Variants in SORT1 observed in about 807,000 individuals in gnomAD.
SORT1 encodes the protein sortilin.
Under a neutral mutation model 101.7 loss-of-function variants are expected in SORT1, and 39 were observed. That is an observed-to-expected ratio of 0.38 (90% confidence interval 0.30 to 0.50). The LOEUF is 0.50. Among genes scored for constraint, SORT1 ranks in the 20% least tolerant of loss-of-function variants. The pLI, the probability that SORT1 is intolerant of heterozygous loss-of-function variation, is 0.90. For missense variants in SORT1, 878 were observed against 1,040.4 expected (o/e 0.84, Z 2.15); for synonymous variants, 396 against 393.7 (o/e 1.01, Z -0.07).
intron 11 of SORT1, among the ~76,000 whole-genome samples, chr1:109,336,006 T>C (rs1648798306): frequency 1.3e-5 from 2 of 152,226 alleles, no homozygotes; most frequent in African/African-American, 2.4e-5. Context: ...GAACCACAAA[T>C]TGTTAGCCCT....
intron 5 of SORT1, among the ~76,000 whole-genome samples, chr1:109,351,432 A>T (rs1649951729): frequency 6.6e-6 from 1 of 152,232 alleles, no homozygotes; most frequent in South Asian, 2.1e-4. Context: ...AGGTGCACTG[A>T]GTTTTAAATG....
At position 109,354,470 on chromosome 1, in the gene SORT1, T is replaced by C. The variant is rs2101603571; in HGVS notation, c.605A>G (p.Asp202Gly). The C allele has an allele frequency of 6.2e-7, 1 of 1,613,600 alleles. No individual in the cohort carries two copies. The highest frequency in any genetic ancestry group is 8.5e-7 in the Non-Finnish European group (1 of 1,179,560). ...SRGGRIFRSS[D>G]FAKNFVQTDL... is the part of the protein sequence containing the mutation. ...TGTTTGCACAAAATTCTTCGCAAAA[T>C]CTGATGATCTAAAGATTCTTCCTCC... Residue 202 changes from aspartate to glycine, a missense_variant, in exon 5 of 20, where the codon GAT (aspartate) becomes GGT (glycine). Transcript: ENST00000256637.
chr1:109,397,906 C>T lies in SORT1; in HGVS notation c.-14G>A. 2 of 1,146,238 alleles carry T rather than the reference C, an allele frequency of 1.7e-6. No homozygotes were observed. Among genetic ancestry groups the T allele is most frequent in the Non-Finnish European group, 2.1e-6 (2 of 935,212 alleles). The allele number at this position is 1,146,238 out of a possible 1,614,324, so 71.0% of individuals were successfully genotyped here. On this transcript the variant is annotated 5_prime_UTR_variant, in exon 1 of 20. Transcript: ENST00000256637. ...GGGCCGCTCCATCGCCGCCGAATGC[C>T]GCCGACGCCGACACCTGCCGCCCGG... is the stretch of plus-strand genomic sequence containing the variant.
intron 5 of SORT1, among the ~76,000 whole-genome samples, chr1:109,354,085 T>C (rs1163229565): frequency 6.7e-6 from 1 of 148,488 alleles, no homozygotes; most frequent in Admixed American, 7.5e-5. Context: ...CAAGAATGAT[T>C]AAATTAAACT....
chr1:109,360,384 G>A (rs1273181941), intron 3 of SORT1, among the ~76,000 whole-genome samples: 1 of 152,106 alleles, frequency 6.6e-6, no homozygotes. Flanking sequence ...CCAGGCTGGG[G>A]TGCAATGATG....
intron 1 of SORT1, among the ~76,000 whole-genome samples, chr1:109,386,600 C>T (rs1029819650): frequency 1.5e-4 from 23 of 152,282 alleles, no homozygotes; most frequent in African/African-American, 5.3e-4. Flanking sequence ...CACCTATACT[C>T]CTAGCACTTT....
chr1:109,393,076 C>G (rs557586603), intron 1 of SORT1: 1 of 985,218 alleles, frequency 1.0e-6, no homozygotes, highest in Non-Finnish European at 1.2e-6. Context: ...AACAACAGGC[C>G]GAGGTCTTCA....
At chr1:109,355,044 C>T (rs1463196842) in intron 4 of SORT1, among the ~76,000 whole-genome samples, 2 of 151,810 alleles carry the variant, frequency 1.3e-5, no homozygotes, top group Non-Finnish European at 2.9e-5. Context: ...AGCAACATGG[C>T]AAAACCCTCT....
intron 16 of SORT1, 33 bp downstream of exon 16, chr1:109,317,820 T>C: frequency 7.6e-7 from 1 of 1,319,656 alleles, no homozygotes; most frequent in Non-Finnish European, 1.1e-6. Flanking sequence ...GAACACCTCA[T>C]CCATCGTGAC....
chr1:109,351,725 C>A (rs1348088332), intron 5 of SORT1, among the ~76,000 whole-genome samples: 1 of 152,136 alleles, frequency 6.6e-6, no homozygotes, highest in Non-Finnish European at 1.5e-5. Context: ...GTGTGCTAAG[C>A]AGGAGGATGA....
chr1:109,363,353 T>A (rs1650863036), intron 3 of SORT1, among the ~76,000 whole-genome samples: 1 of 152,194 alleles, frequency 6.6e-6, no homozygotes, highest in South Asian at 2.1e-4. Context: ...ACATACTCTA[T>A]AATCCATTAT....
chr1:109,321,981 C>T (rs1035769472), intron 15 of SORT1, among the ~76,000 whole-genome samples: 2 of 152,196 alleles, frequency 1.3e-5, no homozygotes, highest in African/African-American at 2.4e-5. Flanking sequence ...CATGACTATA[C>T]TGATGTCACC....
chr1:109,380,671 A>G (rs1281738150), intron 1 of SORT1, among the ~76,000 whole-genome samples: 1 of 151,964 alleles, frequency 6.6e-6, no homozygotes, highest in African/African-American at 2.4e-5. Flanking sequence ...TTGAAAAGCT[A>G]TTTAATCTCT....
intron 11 of SORT1, among the ~76,000 whole-genome samples, chr1:109,330,149 C>T (rs559266387): frequency 2.0e-5 from 3 of 152,234 alleles, no homozygotes; most frequent in East Asian, 3.9e-4. Flanking sequence ...TAAAGGCACC[C>T]GCTGCCACGC....
chr1:109,383,984 T>C (rs541435718), intron 1 of SORT1, among the ~76,000 whole-genome samples: 1 of 152,330 alleles, frequency 6.6e-6, no homozygotes, highest in Non-Finnish European at 1.5e-5. Context: ...CCTGACATCA[T>C]TACCGAAGTG....
At chr1:109,381,896 A>C (rs1652264977) in intron 1 of SORT1, among the ~76,000 whole-genome samples, 1 of 152,086 alleles carries the variant, frequency 6.6e-6, no homozygotes, top group Non-Finnish European at 1.5e-5. Flanking sequence ...CTGGAAGGAT[A>C]CCCTTTAAAA....
intron 1 of SORT1, among the ~76,000 whole-genome samples, chr1:109,390,798 T>TGTGTGTGTGTGCGC (rs749556914): frequency 2.8e-5 from 4 of 144,864 alleles, no homozygotes; most frequent in African/African-American, 1.0e-4. Context: ...TGTGTGTGTG[T>TGTGTGTGTGTGCGC]GCGCGCGCGC....
chr1:109,380,813 CAAAAAAAAAAAA>C (rs60568166), intron 1 of SORT1, among the ~76,000 whole-genome samples: 5 of 49,224 alleles, frequency 1.0e-4, no homozygotes, highest in African/African-American at 2.9e-4. Flanking sequence ...CCTGTCGCCA[CAAAAAAAAAAAA>C]AAAAAAAAAA....
intron 1 of SORT1, among the ~76,000 whole-genome samples, chr1:109,372,241 G>T (rs1394860302): frequency 1.3e-5 from 2 of 152,138 alleles, no homozygotes; most frequent in East Asian, 3.9e-4. Flanking sequence ...CACTGCAGTG[G>T]CATCTTAGAT....
Sources: allele counts gnomAD v4.1 joint callset (sites outside exome capture counted in the v4.1 genomes callset), GRCh38; gene constraint gnomAD v4.1.1; transcripts MANE v1.5; gene names NCBI Gene and HGNC (gene_info 2026-07-23, HGNC 2026-07-21).